Variants in FRMD5 observed in about 807,000 individuals in gnomAD.
The protein encoded by FRMD5 is FERM domain-containing protein 5.
Under a neutral mutation model 69.0 loss-of-function variants are expected in FRMD5, and 20 were observed. The observed-to-expected ratio is 0.29, with a 90% CI of 0.20 to 0.42. The LOEUF (loss-of-function observed/expected upper bound fraction) is 0.42. Among genes scored for constraint, FRMD5 ranks in the 10% least tolerant of loss-of-function variants. The pLI is 1.00. For missense variants in FRMD5, 595 were observed against 708.6 expected, an observed-to-expected ratio of 0.84 and a Z score of 1.82; for synonymous variants, 271 against 260.1, an observed-to-expected ratio of 1.04 and a Z score of -0.40.
chr15:43,923,052 A>G (rs2089524188), intron 2 of FRMD5, among the ~76,000 whole-genome samples: 1 of 152,246 alleles, frequency 6.6e-6, no homozygotes, highest in Non-Finnish European at 1.5e-5. Context: ...GATGCCAGAG[A>G]GTACATCTCC....
At chr15:43,999,094 G>A (rs767097375) in intron 1 of FRMD5, among the ~76,000 whole-genome samples, 1 of 151,904 alleles carries the variant, frequency 6.6e-6, no homozygotes, top group Non-Finnish European at 1.5e-5. Context: ...TTCAGACGGA[G>A]TCTCCATCTA....
At chr15:43,875,061 G>A (rs1224983769) in intron 13 of FRMD5, among the ~76,000 whole-genome samples, 2 of 152,136 alleles carry the variant, frequency 1.3e-5, no homozygotes, top group South Asian at 2.1e-4. Context: ...AGCCACGTGT[G>A]GTGGCGGGCA....
chr15:44,120,164 A>C (rs915944996), intron 1 of FRMD5, among the ~76,000 whole-genome samples: 2 of 152,164 alleles, frequency 1.3e-5, no homozygotes, highest in African/African-American at 2.4e-5. Context: ...TTATGCTGAC[A>C]ATAATGGAAC....
At chr15:44,051,455 T>C (rs370840407) in intron 1 of FRMD5, among the ~76,000 whole-genome samples, 39 of 151,896 alleles carry the variant, frequency 2.6e-4, no homozygotes, top group African/African-American at 9.2e-4. Context: ...AGATTGACAG[T>C]TGTAAACATA....
chr15:43,925,690 C>T (rs945392448), intron 1 of FRMD5, among the ~76,000 whole-genome samples: 2 of 152,220 alleles, frequency 1.3e-5, no homozygotes, highest in African/African-American at 4.8e-5. Context: ...TCTGCACTCA[C>T]CCAAAATCAT....
chr15:44,017,809 C>T (rs1595629277), intron 1 of FRMD5, among the ~76,000 whole-genome samples: 1 of 151,954 alleles, frequency 6.6e-6, no homozygotes, highest in East Asian at 1.9e-4. Flanking sequence ...CAGGGTTTCA[C>T]CATGTTAGCC....
intron 1 of FRMD5, among the ~76,000 whole-genome samples, chr15:43,939,024 G>C (rs2089814260): frequency 6.6e-6 from 1 of 151,188 alleles, no homozygotes; most frequent in Admixed American, 6.6e-5. Context: ...ACCACATCCG[G>C]CTAATTTTTT....
chr15:44,006,354 C>T (rs937602802), intron 1 of FRMD5, among the ~76,000 whole-genome samples: 13 of 152,196 alleles, frequency 8.5e-5, no homozygotes, highest in Non-Finnish European at 1.9e-4. Flanking sequence ...CTCACTGACA[C>T]TCTACCTGAT....
intron 1 of FRMD5, among the ~76,000 whole-genome samples, chr15:43,974,669 T>C (rs2090437296): frequency 6.6e-6 from 1 of 152,184 alleles, no homozygotes; most frequent in Non-Finnish European, 1.5e-5. Context: ...GTTTAAAGTG[T>C]TGAAAAGCAA....
intron 1 of FRMD5, among the ~76,000 whole-genome samples, chr15:44,089,263 G>C (rs890153914): frequency 6.6e-6 from 1 of 152,072 alleles, no homozygotes; most frequent in African/African-American, 2.4e-5. Context: ...ATCTTTGTGA[G>C]TCCATTTTTA....
intron 1 of FRMD5, among the ~76,000 whole-genome samples, chr15:44,124,967 C>T (rs902963455): frequency 6.6e-6 from 1 of 151,898 alleles, no homozygotes; most frequent in Non-Finnish European, 1.5e-5. Context: ...CAAACAACAA[C>T]AAAAATCCAC....
chr15:44,123,182 T>C (rs1464939135), intron 1 of FRMD5, among the ~76,000 whole-genome samples: 2 of 151,752 alleles, frequency 1.3e-5, no homozygotes, highest in East Asian at 3.9e-4. Flanking sequence ...CCATCTCTAC[T>C]AAAAATACAA....
intron 1 of FRMD5, among the ~76,000 whole-genome samples, chr15:43,954,694 T>C (rs2090087304): frequency 6.6e-6 from 1 of 152,228 alleles, no homozygotes; most frequent in Non-Finnish European, 1.5e-5. Context: ...CCACCTTCTC[T>C]TGGCCTGATG....
intron 1 of FRMD5, among the ~76,000 whole-genome samples, chr15:44,144,166 C>T (rs548019723): frequency 6.0e-4 from 92 of 152,134 alleles, no homozygotes; most frequent in Middle Eastern, 3.4e-3. Context: ...ATTTCCTTCT[C>T]GTCTTCTTTT....
chr15:43,999,967 T>TATATACCATGC (rs1890129519), intron 1 of FRMD5, among the ~76,000 whole-genome samples: 1 of 42,040 alleles, frequency 2.4e-5, no homozygotes, highest in Non-Finnish European at 5.4e-5. Context: ...TATATATATA[T>TATATACCATGC]ATATATATAT....
At chr15:43,934,679 G>T (rs574926218) in intron 1 of FRMD5, among the ~76,000 whole-genome samples, 1 of 152,310 alleles carries the variant, frequency 6.6e-6, no homozygotes, top group South Asian at 2.1e-4. Flanking sequence ...TCCACTGTGA[G>T]CGATGGAAAA....
chr15:44,074,863 G>A lies in FRMD5; in HGVS notation c.102+120090C>T, dbSNP rs191731984. ...CCTCCTGCCTGCTTTTCATAGTGAC[G>A]TCAGCTTTAGTGCCATCACCAGGCA... On this transcript the variant is annotated intron_variant, in intron 1 of 13. Coordinates refer to ENST00000417257, the MANE Select transcript of FRMD5 (RefSeq NM_032892.5). Among the ~76,000 whole-genome samples, 32 of 152,236 alleles carry A rather than the reference G, an allele frequency of 2.1e-4. No homozygotes were observed. The East Asian group carries it at 4.8e-3, about 23-fold the overall frequency.
intron 1 of FRMD5, among the ~76,000 whole-genome samples, chr15:44,190,745 G>A (rs2078179083): frequency 6.6e-6 from 1 of 152,172 alleles, no homozygotes; most frequent in Non-Finnish European, 1.5e-5. Context: ...ACTGTTTATT[G>A]TTTTCAGGAA....
chr15:44,054,931 G>A (rs1329740543), intron 1 of FRMD5, among the ~76,000 whole-genome samples: 7 of 152,134 alleles, frequency 4.6e-5, no homozygotes, highest in South Asian at 2.1e-4. Context: ...TTACCTGGGC[G>A]TGGTGGCATG....
Sources: allele counts gnomAD v4.1 joint callset (sites outside exome capture counted in the v4.1 genomes callset), GRCh38; gene constraint gnomAD v4.1.1; transcripts MANE v1.5; gene names NCBI Gene and HGNC (gene_info 2026-07-23, HGNC 2026-07-21).